Variants in NBEAL1 observed in about 807,000 individuals in gnomAD.
NBEAL1 encodes the protein neurobeachin-like protein 1.
Under a neutral mutation model 351.3 loss-of-function variants are expected in NBEAL1, and 273 were observed. The ratio of observed to expected loss-of-function variants is 0.78; its 90% CI spans 0.70 to 0.86. The LOEUF (loss-of-function observed/expected upper bound fraction) is 0.86, where lower values mean the gene tolerates loss of function less well. Among genes scored for constraint, NBEAL1 ranks in the 40% least tolerant of loss-of-function variants. NBEAL1 has a pLI of 0.00. For synonymous variants in NBEAL1, 1,050 were observed against 1,086.4 expected, an observed-to-expected ratio of 0.97 and a Z score of 0.66; for missense variants, 2,961 against 3,201.3, an observed-to-expected ratio of 0.92 and a Z score of 1.81.
chr2:203,106,149 G>A (rs1047939875), intron 12 of NBEAL1, among the ~76,000 whole-genome samples: 2 of 152,142 alleles, frequency 1.3e-5, no homozygotes, highest in African/African-American at 4.8e-5. Context: ...TAAGATTAGT[G>A]AGGTCATCTG....
intron 12 of NBEAL1, among the ~76,000 whole-genome samples, chr2:203,100,512 T>G (rs2106212398): frequency 6.6e-6 from 1 of 152,230 alleles, no homozygotes; most frequent in Non-Finnish European, 1.5e-5. Flanking sequence ...ATGTTTAGCA[T>G]TTTTTAATAT....
intron 2 of NBEAL1, among the ~76,000 whole-genome samples, chr2:203,019,596 G>A (rs2060734996): frequency 6.6e-6 from 1 of 152,194 alleles, no homozygotes; most frequent in Non-Finnish European, 1.5e-5. Context: ...GTAAGGTTAA[G>A]ACCTCCTCCG....
chr2:203,147,541 A>G (rs1018197872), intron 33 of NBEAL1, among the ~76,000 whole-genome samples: 1 of 152,106 alleles, frequency 6.6e-6, no homozygotes, highest in Non-Finnish European at 1.5e-5. Flanking sequence ...ATACAGATAG[A>G]CACTGTATTC....
intron 47 of NBEAL1, among the ~76,000 whole-genome samples, chr2:203,195,513 G>A (rs925930756): frequency 2.0e-5 from 3 of 152,186 alleles, no homozygotes; most frequent in African/African-American, 4.8e-5. Context: ...CCCAGGATGT[G>A]TTGGGAGTCT....
chr2:203,189,724 T>C (rs1047566353), intron 45 of NBEAL1, among the ~76,000 whole-genome samples: 2 of 152,002 alleles, frequency 1.3e-5, no homozygotes, highest in African/African-American at 4.8e-5. Context: ...TAACTTTCAA[T>C]TGCTTAAAAT....
chr2:203,198,743 G>C (rs1442695609), intron 48 of NBEAL1, among the ~76,000 whole-genome samples: 2 of 151,420 alleles, frequency 1.3e-5, no homozygotes, highest in African/African-American at 2.4e-5. Context: ...CATGCTTGTG[G>C]TCCCAGCTAC....
intron 48 of NBEAL1, 55 bp downstream of exon 48, chr2:203,197,446 G>GA: frequency 2.6e-6 from 3 of 1,171,906 alleles, no homozygotes; most frequent in South Asian, 1.3e-5. Flanking sequence ...TTACAACTTA[G>GA]AAAAAAAGAG....
chr2:203,144,716 C>G lies in NBEAL1; in HGVS notation c.4965C>G (p.Ile1655Met), dbSNP rs894292905. Residue 1655 changes from isoleucine to methionine, a missense_variant, in exon 32 of 56, where the codon ATC becomes ATG. Physicochemically the swap from Ile to Met is conservative, Grantham distance 10. Transcript: ENST00000683969. ...TGGAACATGTTCTAAGTCAATCAAT[C>G]AAGGAACAGACTGAAATCTACTCAT... ...GKLEHVLSQSIKEQTEIYSFL... is the reference protein window; with the variant it reads ...GKLEHVLSQSMKEQTEIYSFL... 2.5e-6 allele frequency: 4 copies of G among 1,614,148 alleles called. No individual in the cohort carries two copies. The Admixed American group carries it at 6.7e-5, about 27-fold the overall frequency.
chr2:203,036,472 T>A (rs2061042080), intron 2 of NBEAL1, among the ~76,000 whole-genome samples: 1 of 149,228 alleles, frequency 6.7e-6, no homozygotes, highest in Non-Finnish European at 1.5e-5. Flanking sequence ...TTCTTACATT[T>A]TAATTCCAGC....
chr2:203,162,178 T>A (rs1559026189), intron 36 of NBEAL1, among the ~76,000 whole-genome samples: 1 of 151,676 alleles, frequency 6.6e-6, no homozygotes, highest in Non-Finnish European at 1.5e-5. Flanking sequence ...TGTGTGCCAC[T>A]ACGCCCAGCT....
chr2:203,101,805 A>G (rs1574970778), intron 12 of NBEAL1, among the ~76,000 whole-genome samples: 1 of 152,214 alleles, frequency 6.6e-6, no homozygotes, highest in Admixed American at 6.5e-5. Context: ...GATGTTGACC[A>G]GGCTGGTCTG....
chr2:203,019,858 A>G (rs2060738953), intron 2 of NBEAL1, among the ~76,000 whole-genome samples: 1 of 152,170 alleles, frequency 6.6e-6, no homozygotes, highest in Admixed American at 6.5e-5. Context: ...TGTAAGCTTA[A>G]ATACTAGTGA....
chr2:203,040,378 G>T, intron 2 of NBEAL1: 2 of 714,976 alleles, frequency 2.8e-6, no homozygotes, highest in Non-Finnish European at 5.1e-6. Flanking sequence ...GGCCTTTGTT[G>T]TACACATCAA....
chr2:203,132,058 T>C lies in NBEAL1; in HGVS notation c.3650T>C (p.Leu1217Pro), dbSNP rs1438459201. ...CTCAGAGAAGTTGGCTACTCGGGAC[T>C]GGGACTCCTTCTTAATGAAGCACTT... ...IRLREVGYSGLGLLLNEALVN... is the reference protein window; with the variant it reads ...IRLREVGYSGPGLLLNEALVN... The change falls in exon 26 of 56, where the codon CTG (leucine) becomes CCG (proline). Residue 1217 changes from leucine (L) to proline (P), a missense_variant. By Grantham distance (98) the Leu-to-Pro change is moderately conservative. Transcript: ENST00000683969. 3 of 1,553,736 alleles carry C rather than the reference T, an allele frequency of 1.9e-6. No individual in the cohort carries two copies. Among genetic ancestry groups the C allele is most frequent in the Non-Finnish European group, 2.6e-6 (3 of 1,147,082 alleles).
intron 3 of NBEAL1, among the ~76,000 whole-genome samples, chr2:203,049,516 G>A (rs762936176): frequency 1.3e-5 from 2 of 151,718 alleles, no homozygotes; most frequent in Non-Finnish European, 2.9e-5. Flanking sequence ...ATTAAAAATA[G>A]TACAATTGAA....
chr2:203,172,886 C>T, intron 41 of NBEAL1, 33 bp downstream of exon 41: 4 of 1,551,902 alleles, frequency 2.6e-6, no homozygotes, highest in Non-Finnish European at 3.5e-6. Flanking sequence ...ATAAAATACA[C>T]ATTGCTTCTT....
At chr2:203,145,283 T>G in intron 33 of NBEAL1, 123 bp downstream of exon 33, 1 of 860,426 alleles carries the variant, frequency 1.2e-6, no homozygotes, top group Non-Finnish European at 1.7e-6. Flanking sequence ...GTCTAAAAAT[T>G]ATCTTAGAAT....
chr2:203,221,857 A>C lies in NBEAL1; in HGVS notation c.*4503A>C, dbSNP rs188770416. On this transcript the variant is annotated 3_prime_UTR_variant, in exon 56 of 56. Transcript: ENST00000683969. ...ATATAGTGTTATCAGTCATCATTTT[A>C]ATATGATTTAAAATGTGGACCACAG... is the stretch of plus-strand genomic sequence containing the variant. 1.3e-4 allele frequency among the ~76,000 whole-genome samples: 20 copies of C among 152,248 alleles called. No homozygotes were observed. The highest frequency in any genetic ancestry group is 4.6e-4 in the African/African-American group (19 of 41,556).
At chr2:203,144,480 C>A in intron 31 of NBEAL1, 120 bp from the exon 32 acceptor site, 1 of 906,010 alleles carries the variant, frequency 1.1e-6, no homozygotes, top group Non-Finnish European at 1.7e-6. Flanking sequence ...ACATCTGAGA[C>A]CTTTCACAGT....
Sources: allele counts gnomAD v4.1 joint callset (sites outside exome capture counted in the v4.1 genomes callset), GRCh38; gene constraint gnomAD v4.1.1; transcripts MANE v1.5; gene names NCBI Gene and HGNC (gene_info 2026-07-23, HGNC 2026-07-21).